Variants in VMA22 observed in about 807,000 individuals in gnomAD.
VMA22 encodes the protein vacuolar ATPase assembly protein VMA22.
the VMA22 span, chr2:130,340,846 C>T: frequency 6.2e-7 from 1 of 1,603,150 alleles, no homozygotes; most frequent in African/African-American, 1.3e-5. Context: ...CAGCAGTGCT[C>T]AAGTGTTCCC....
At chr2:130,342,245 C>G in the VMA22 span, 1 of 1,543,692 alleles carries the variant, frequency 6.5e-7, no homozygotes, top group East Asian at 2.4e-5. Flanking sequence ...GATCCCCACG[C>G]CGGCAGCACC....
chr2:130,340,634 T>C, the VMA22 span: 1 of 466,122 alleles, frequency 2.1e-6, no homozygotes. Flanking sequence ...GCCTACTTAT[T>C]TGCACGTTGC....
chr2:130,340,012 CGTCG>C, the VMA22 span: 1 of 335,606 alleles, frequency 3.0e-6, no homozygotes, highest in Non-Finnish European at 5.4e-6. Flanking sequence ...TCCAGCAGGG[CGTCG>C]GTGGATACCA....
the VMA22 span, chr2:130,338,484 C>G: frequency 2.0e-5 from 3 of 152,168 alleles, no homozygotes; most frequent in African/African-American, 7.2e-5. Flanking sequence ...GTTCCCAGAA[C>G]AGAAAACACA....
chr2:130,341,801 G>GCAC, the VMA22 span: 1 of 1,378,140 alleles, frequency 7.3e-7, no homozygotes, highest in Non-Finnish European at 9.9e-7. Context: ...CCTAGAACGC[G>GCAC]CCCGCCCGCC....
At chr2:130,340,952 A>G in the VMA22 span, 1 of 1,614,052 alleles carries the variant, frequency 6.2e-7, no homozygotes, top group Non-Finnish European at 8.5e-7. Flanking sequence ...GTGAGGAACT[A>G]GGATTCCAAA....
the VMA22 span, chr2:130,339,482 A>G: frequency 2.3e-5 from 32 of 1,371,306 alleles, no homozygotes; most frequent in Non-Finnish European, 3.0e-5. Flanking sequence ...CAGGAACTAA[A>G]AATTCACAGA....
At chr2:130,340,918 G>A in the VMA22 span, 7 of 1,614,118 alleles carry the variant, frequency 4.3e-6, no homozygotes, top group South Asian at 1.1e-5. Context: ...CATCCCGGAA[G>A]CTTGCTTGAG....
chr2:130,340,885 G>A, the VMA22 span: 1 of 1,613,834 alleles, frequency 6.2e-7, no homozygotes, highest in East Asian at 2.2e-5. Flanking sequence ...GGGCCACAGA[G>A]CCAAACAACA....
the VMA22 span, chr2:130,342,022 A>T: frequency 6.2e-7 from 1 of 1,613,394 alleles, no homozygotes; most frequent in Non-Finnish European, 8.5e-7. Flanking sequence ...TACCTCCTCC[A>T]CCCGGGCGTT....
the VMA22 span, chr2:130,341,338 C>T: frequency 3.7e-6 from 2 of 540,762 alleles, no homozygotes; most frequent in East Asian, 3.2e-5. Context: ...CAGACATAGA[C>T]GTTCCAACTC....
the VMA22 span, chr2:130,342,256 A>G: frequency 3.3e-6 from 5 of 1,534,234 alleles, no homozygotes; most frequent in Non-Finnish European, 3.5e-6. Flanking sequence ...CGGCAGCACC[A>G]AGGCCTCTGG....
the VMA22 span, chr2:130,341,366 G>A: frequency 2.8e-5 from 15 of 543,002 alleles, no homozygotes; most frequent in African/African-American, 2.7e-4. Context: ...TTTGTCTCAG[G>A]ATGATTAACT....
the VMA22 span, chr2:130,341,265 ACTGATGACC>A: frequency 1.7e-6 from 1 of 582,544 alleles, no homozygotes; most frequent in Non-Finnish European, 3.0e-6. Context: ...TGTAAGACCC[ACTGATGACC>A]CTGTTTGCCT....
At chr2:130,340,351 A>C in the VMA22 span, 1 of 172,812 alleles carries the variant, frequency 5.8e-6, no homozygotes, top group Non-Finnish European at 1.3e-5. Context: ...CAGTTGCACC[A>C]TCCTCTGCTC....
the VMA22 span, chr2:130,340,799 A>G: frequency 7.3e-7 from 1 of 1,376,230 alleles, no homozygotes; most frequent in Admixed American, 1.8e-5. Context: ...ATGGAGGAAA[A>G]CCTGCAAAGC....
the VMA22 span, chr2:130,340,435 G>A: frequency 2.7e-5 from 6 of 218,486 alleles, 1 homozygote; most frequent in South Asian, 2.2e-4. Context: ...CACCGGCCTC[G>A]GCACATACCA....
the VMA22 span, chr2:130,342,045 T>G: frequency 2.1e-5 from 34 of 1,613,550 alleles, 1 homozygote; most frequent in Middle Eastern, 3.3e-4. Context: ...ACACCGTTCG[T>G]TTCCCCTCCA....
the VMA22 span, chr2:130,340,578 T>G: frequency 2.8e-6 from 1 of 360,204 alleles, no homozygotes; most frequent in Non-Finnish European, 5.3e-6. Context: ...TCCCACTCCA[T>G]TATGTGTTTT....
Sources: gnomAD v4.1 joint callset for allele counts on GRCh38, gnomAD v4.1.1 for gene constraint, MANE v1.5 for transcripts, NCBI Gene and HGNC (gene_info 2026-07-23, HGNC 2026-07-21) for gene names.